The following PCSK6 variants were observed in gnomAD, a reference collection of about 807,000 sequenced individuals.
PCSK6 encodes paired basic amino acid cleaving enzyme 4.
Under a neutral mutation model 123.3 loss-of-function variants are expected in PCSK6, and 85 were observed. The observed-to-expected ratio is 0.69, with a 90% CI of 0.58 to 0.83. PCSK6 has a LOEUF of 0.83. Among genes scored for constraint, PCSK6 ranks in the 40% least tolerant of loss-of-function variants. The pLI is 0.00. For missense variants in PCSK6, 1,191 were observed against 1,282.3 expected (o/e 0.93, Z 1.09); for synonymous variants, 508 against 516.0 (o/e 0.98, Z 0.21).
intron 1 of PCSK6, among the ~76,000 whole-genome samples, chr15:101,455,578 G>A (rs1234596942): frequency 2.6e-5 from 4 of 152,232 alleles, no homozygotes; most frequent in African/African-American, 9.6e-5. Context: ...CTGCTGACCA[G>A]GTGGCACAGT....
In PCSK6 at chr15:101,370,385, C is replaced by T. The variant is rs562506205; in HGVS notation, c.1671G>A (p.Gln557=). Residue 557 remains glutamine (Q), a synonymous_variant, in exon 12 of 22, where the codon CAG becomes CAA. Transcript: ENST00000611716. ...SISHPRRGDL[Q]IYLVSPSGTK... ...TTCCCGAGGGAGAAACCAGGTAGAT[C>T]TGGAGGTCTCCTCGGCGTGGGTGTG... The T allele has an allele frequency of 2.8e-5, 43 of 1,554,734 alleles. No homozygotes were observed. Among genetic ancestry groups the T allele is most frequent in the Non-Finnish European group, 3.7e-5 (42 of 1,148,884 alleles).
At chr15:101,352,607 T>C (rs1329559610) in intron 13 of PCSK6, among the ~76,000 whole-genome samples, 1 of 152,244 alleles carries the variant, frequency 6.6e-6, no homozygotes, top group Non-Finnish European at 1.5e-5. Context: ...GTGGCTTTAT[T>C]AACGGACTAT....
chr15:101,358,857 A>G (rs769972754), intron 13 of PCSK6, among the ~76,000 whole-genome samples: 26 of 152,178 alleles, frequency 1.7e-4, no homozygotes, highest in Non-Finnish European at 2.9e-4. Flanking sequence ...CAACAAGCTC[A>G]GAGGCTGGCC....
At chr15:101,411,722 A>G (rs880454) in intron 6 of PCSK6, among the ~76,000 whole-genome samples, 44,221 of 152,112 alleles carry the variant, frequency 0.29, 7,112 homozygotes, top group African/African-American at 0.44. Context: ...ACCCCGACCT[A>G]TGGCAGCACA....
chr15:101,348,178 CCT>C (rs66464239), intron 13 of PCSK6, among the ~76,000 whole-genome samples: 1 of 152,090 alleles, frequency 6.6e-6, no homozygotes, highest in East Asian at 1.9e-4. Flanking sequence ...CGGACCGGCC[CCT>C]GCGCCTCCGC....
chr15:101,466,163 C>T (rs925535361), intron 1 of PCSK6, among the ~76,000 whole-genome samples: 7 of 152,028 alleles, frequency 4.6e-5, no homozygotes, highest in African/African-American at 7.3e-5. Flanking sequence ...ATAAAGGACT[C>T]GTATCTAGAA....
intron 1 of PCSK6, among the ~76,000 whole-genome samples, chr15:101,456,812 C>CA (rs909384969): frequency 6.6e-6 from 1 of 152,138 alleles, no homozygotes; most frequent in Non-Finnish European, 1.5e-5. Flanking sequence ...CAAAGGGAGG[C>CA]AAGGAGGTAG....
At chr15:101,307,151 G>T in intron 21 of PCSK6, 62 bp downstream of exon 21, 1 of 1,249,018 alleles carries the variant, frequency 8.0e-7, no homozygotes, top group Non-Finnish European at 1.2e-6. Flanking sequence ...TCTCTTTGGA[G>T]CACGAGCTGG....
At position 101,384,441 on chromosome 15, in the gene PCSK6, A is replaced by G. The variant is rs2042001673; in HGVS notation, c.1311-16T>C. 6.2e-7 allele frequency: 1 copy of G among 1,608,992 alleles called. No homozygotes were observed. Among genetic ancestry groups the G allele is most frequent in the South Asian group, 1.1e-5 (1 of 90,768 alleles). On this transcript the variant is annotated splice_polypyrimidine_tract_variant and intron_variant, in intron 9 of 21. Transcript: ENST00000611716. ...TAACTGGCTGCTGCAATGACACAACACACCCTAGAGTCCACACAGCTCAAC... is the reference window on the plus strand; with the variant it reads ...TAACTGGCTGCTGCAATGACACAACGCACCCTAGAGTCCACACAGCTCAAC...
intron 18 of PCSK6, among the ~76,000 whole-genome samples, chr15:101,322,315 G>C (rs2040143502): frequency 6.6e-6 from 1 of 152,192 alleles, no homozygotes; most frequent in African/African-American, 2.4e-5. Context: ...CGCCCATGTT[G>C]TGTAAAATGT....
At chr15:101,436,303 C>T (rs536723967) in intron 2 of PCSK6, among the ~76,000 whole-genome samples, 2 of 152,278 alleles carry the variant, frequency 1.3e-5, no homozygotes, top group East Asian at 3.9e-4. Flanking sequence ...GTCCAGGGGT[C>T]CCACACAGCA....
intron 13 of PCSK6, among the ~76,000 whole-genome samples, chr15:101,343,031 C>G (rs534476563): frequency 3.9e-5 from 6 of 152,270 alleles, no homozygotes; most frequent in Admixed American, 3.9e-4. Context: ...GCAGAATTTG[C>G]TGGTAAATTG....
chr15:101,461,137 A>C (rs1410405840), intron 1 of PCSK6, among the ~76,000 whole-genome samples: 1 of 152,368 alleles, frequency 6.6e-6, no homozygotes, highest in Middle Eastern at 3.4e-3. Context: ...AAAGAAAAAA[A>C]TTAAGGCGCA....
At chr15:101,322,839 G>T (rs1437226064) in intron 17 of PCSK6, among the ~76,000 whole-genome samples, 1 of 152,220 alleles carries the variant, frequency 6.6e-6, no homozygotes, top group Non-Finnish European at 1.5e-5. Flanking sequence ...CAACCACCAG[G>T]CCTCTGAGGT....
Position 101,314,981 on chromosome 15 carries a change from G to A in PCSK6, c.2570-1476C>T, listed in dbSNP as rs1177187409. 7.9e-5 allele frequency among the ~76,000 whole-genome samples: 12 copies of A among 152,336 alleles called. No homozygotes were observed. The East Asian group carries it at 2.3e-3, about 29-fold the overall frequency. ...TACACCAGGCGGGGTGCCACTCTGA[G>A]TGGGGTTTGGGAGCTGTTCAGGGCC... is the stretch of plus-strand genomic sequence containing the variant. On this transcript the variant is annotated intron_variant, in intron 19 of 21. Transcript: ENST00000611716.
At chr15:101,315,314 T>C (rs1404506007) in intron 19 of PCSK6, among the ~76,000 whole-genome samples, 1 of 152,126 alleles carries the variant, frequency 6.6e-6, no homozygotes, top group African/African-American at 2.4e-5. Flanking sequence ...GCTGTTAAAG[T>C]GGGTTGATTT....
intron 21 of PCSK6, among the ~76,000 whole-genome samples, chr15:101,306,906 C>T (rs935904275): frequency 3.3e-5 from 5 of 152,182 alleles, no homozygotes; most frequent in Admixed American, 2.0e-4. Flanking sequence ...GGGCCACCGG[C>T]GGCCTATGGC....
intron 1 of PCSK6, among the ~76,000 whole-genome samples, chr15:101,469,445 C>T (rs948070024): frequency 5.9e-5 from 9 of 152,168 alleles, no homozygotes; most frequent in African/African-American, 1.7e-4. Flanking sequence ...TCCAAGATGC[C>T]GACATGGGTG....
chr15:101,396,747 C>T (rs1020726179), intron 7 of PCSK6, among the ~76,000 whole-genome samples: 9 of 151,984 alleles, frequency 5.9e-5, no homozygotes, highest in African/African-American at 1.5e-4. Context: ...GAAGCTGCCT[C>T]GGTGTTTTCT....
Sources: allele counts gnomAD v4.1 joint callset (sites outside exome capture counted in the v4.1 genomes callset), GRCh38; gene constraint gnomAD v4.1.1; transcripts MANE v1.5; gene names NCBI Gene and HGNC (gene_info 2026-07-23, HGNC 2026-07-21).